PPP2R5C: variants seen among roughly 807,000 people sequenced by gnomAD.
PPP2R5C encodes the protein protein phosphatase 2 regulatory subunit B'gamma.
PPP2R5C carries 7 observed loss-of-function variants against 68.9 expected under a neutral mutation model. The ratio of observed to expected loss-of-function variants is 0.10; its 90% CI spans 0.06 to 0.19. PPP2R5C has a LOEUF of 0.19. Ranked by LOEUF, PPP2R5C falls within the 10% of genes least tolerant of loss-of-function variation. The pLI, the probability that PPP2R5C is intolerant of heterozygous loss-of-function variation, is 1.00. For synonymous variants in PPP2R5C, 210 were observed against 222.2 expected (o/e 0.95, Z 0.49); for missense variants, 348 against 641.3 (o/e 0.54, Z 4.94).
exon 14 of PPP2R5C, chr14:101,925,165 C>T (rs761746578): frequency 4.3e-6 from 7 of 1,614,088 alleles, no homozygotes; most frequent in South Asian, 2.2e-5. Flanking sequence ...GAAGAAGGAC[C>T]GTCCTCTTGC....
chr14:101,921,896 A>G lies in PPP2R5C; in HGVS notation c.1444-3245A>G. 3 of 791,952 alleles carry G rather than the reference A, an allele frequency of 3.8e-6. No homozygotes were observed. The South Asian group carries it at 1.7e-4, about 45-fold the overall frequency. The allele number at this position is 791,952 out of a possible 1,614,324, so 49.1% of individuals were successfully genotyped here. On this transcript the variant is annotated intron_variant, in intron 13 of 13. Coordinates refer to ENST00000334743, the Ensembl canonical transcript of PPP2R5C. ...TCAAGAAACTAGTATAACCCTATAC[A>G]GAACATTCAAAGAAAACTAGCAAAT... is the stretch of plus-strand genomic sequence containing the variant.
intron 1 of PPP2R5C, 72 bp from the exon 4 acceptor site, chr14:101,856,614 C>G: frequency 7.4e-7 from 1 of 1,351,688 alleles, no homozygotes; most frequent in South Asian, 1.2e-5. Flanking sequence ...TAGAAGAAAG[C>G]TTAAATGTGT....
At chr14:101,869,651 A>C (rs955899678) in intron 2 of PPP2R5C, among the ~76,000 whole-genome samples, 1 of 151,998 alleles carries the variant, frequency 6.6e-6, no homozygotes, top group South Asian at 2.1e-4. Context: ...TAATTATGCC[A>C]GGCTTGTTTG....
intron 2 of PPP2R5C, among the ~76,000 whole-genome samples, chr14:101,873,811 C>T (rs1479952931): frequency 6.6e-6 from 1 of 152,168 alleles, no homozygotes; most frequent in African/African-American, 2.4e-5. Context: ...TATACTACAA[C>T]CTAAAAATCT....
At chr14:101,871,723 A>G (rs529389320) in intron 2 of PPP2R5C, among the ~76,000 whole-genome samples, 5 of 151,930 alleles carry the variant, frequency 3.3e-5, no homozygotes, top group Non-Finnish European at 7.4e-5. Flanking sequence ...TCAATTGAGT[A>G]CTTTTTATGA....
intron 1 of PPP2R5C, among the ~76,000 whole-genome samples, chr14:101,846,084 G>A (rs370410207): frequency 6.6e-6 from 1 of 152,194 alleles, no homozygotes; most frequent in Admixed American, 6.5e-5. Context: ...ATGGAGCCCC[G>A]CCAAACAGAC....
intron 1 of PPP2R5C, among the ~76,000 whole-genome samples, chr14:101,821,622 G>A (rs557155585): frequency 2.0e-5 from 3 of 151,782 alleles, no homozygotes; most frequent in Non-Finnish European, 2.9e-5. Flanking sequence ...TCTTGGTGGC[G>A]CTCTCGGTTC....
intron 2 of PPP2R5C, among the ~76,000 whole-genome samples, chr14:101,859,133 G>A (rs569471987): frequency 6.6e-5 from 10 of 152,316 alleles, no homozygotes; most frequent in East Asian, 3.9e-4. Context: ...GGCCAGGCAC[G>A]TTTTGGGGTG....
Position 101,883,661 on chromosome 14 carries a change from A to C in PPP2R5C, c.629+99A>C, listed in dbSNP as rs1566937818. On this transcript the variant is annotated intron_variant, in intron 5 of 13. Transcript: ENST00000334743. The stretch of plus-strand genomic sequence containing the variant: ...ATCGTCTCCTCTGACAGGACTCAGC[A>C]TGTGGAGGGGGTTTCTCAAAGCCTA... The C allele has an allele frequency of 4.9e-6, 7 of 1,438,360 alleles. No individual in the cohort carries two copies. In the East Asian group the frequency reaches 1.1e-4, roughly 24 times the overall value. The allele number at this position is 1,438,360 out of a possible 1,614,324, so 89.1% of individuals were successfully genotyped here.
intron 2 of PPP2R5C, among the ~76,000 whole-genome samples, chr14:101,783,751 C>A (rs541212453): frequency 6.6e-6 from 1 of 152,308 alleles, no homozygotes; most frequent in South Asian, 2.1e-4. Context: ...TCATTGGCCT[C>A]TACCCAAGGT....
At chr14:101,792,061 AC>A (rs1195687409) in intron 3 of PPP2R5C, among the ~76,000 whole-genome samples, 1 of 152,182 alleles carries the variant, frequency 6.6e-6, no homozygotes, top group Non-Finnish European at 1.5e-5. Context: ...AAATCAACCG[AC>A]CCAGTTGTTC....
chr14:101,792,605 T>G (rs2038409803), intron 3 of PPP2R5C, among the ~76,000 whole-genome samples: 1 of 152,234 alleles, frequency 6.6e-6, no homozygotes, highest in Non-Finnish European at 1.5e-5. Context: ...GAAGCTTTTT[T>G]CTAGCTTTCT....
At chr14:101,880,408 G>C (rs2044083622) in intron 2 of PPP2R5C, among the ~76,000 whole-genome samples, 1 of 152,148 alleles carries the variant, frequency 6.6e-6, no homozygotes, top group Non-Finnish European at 1.5e-5. Flanking sequence ...TCAGATGCTT[G>C]ATACTCAGAT....
chr14:101,902,859 C>T (rs1368217029), intron 9 of PPP2R5C, among the ~76,000 whole-genome samples: 1 of 152,108 alleles, frequency 6.6e-6, no homozygotes. Context: ...CTCTGGAGCA[C>T]GGGCAGCCAT....
intron 8 of PPP2R5C, among the ~76,000 whole-genome samples, chr14:101,898,438 T>C (rs945434120): frequency 3.3e-5 from 5 of 152,126 alleles, no homozygotes; most frequent in African/African-American, 1.2e-4. Flanking sequence ...CCCTATTCTC[T>C]CTTCCACCGA....
intron 8 of PPP2R5C, among the ~76,000 whole-genome samples, chr14:101,897,539 C>T (rs1302807123): frequency 6.6e-6 from 1 of 151,918 alleles, no homozygotes; most frequent in African/African-American, 2.4e-5. Flanking sequence ...GGGCAGGAAG[C>T]GTCCGGCACG....
At chr14:101,795,248 A>G (rs983584409) in intron 3 of PPP2R5C, among the ~76,000 whole-genome samples, 8 of 152,218 alleles carry the variant, frequency 5.3e-5, no homozygotes, top group African/African-American at 1.9e-4. Context: ...AAAAACCCTT[A>G]ATAGATATTG....
chr14:101,843,680 T>C (rs2041640075), intron 1 of PPP2R5C: 1 of 161,304 alleles, frequency 6.2e-6, no homozygotes, highest in South Asian at 1.6e-4. Context: ...GAGTATCTCG[T>C]ATAGATTTCT....
At chr14:101,821,111 T>A (rs974542169) in intron 1 of PPP2R5C, 8 of 145,588 alleles carry the variant, frequency 5.5e-5, no homozygotes, top group Admixed American at 4.0e-4. Context: ...AAAATAAAAA[T>A]AAAAAAAAAT....
Sources: allele counts gnomAD v4.1 joint callset (sites outside exome capture counted in the v4.1 genomes callset), GRCh38; gene constraint gnomAD v4.1.1; transcripts MANE v1.5; gene names NCBI Gene and HGNC (gene_info 2026-07-23, HGNC 2026-07-21).